IGSF21: variants seen among roughly 807,000 people sequenced by gnomAD.
The protein encoded by IGSF21 is immunoglobulin superfamily member 21.
A neutral mutation model predicts 46.8 loss-of-function variants in IGSF21; 28 were observed. The observed-to-expected ratio is 0.60, with a 90% CI of 0.44 to 0.82. The LOEUF is 0.82. Ranked by LOEUF, IGSF21 falls within the 40% of genes least tolerant of loss-of-function variation. IGSF21 has a pLI of 0.00. For missense variants in IGSF21, 624 were observed against 665.5 expected, an observed-to-expected ratio of 0.94 and a Z score of 0.69; for synonymous variants, 284 against 273.6, an observed-to-expected ratio of 1.04 and a Z score of -0.38.
intron 1 of IGSF21, among the ~76,000 whole-genome samples, chr1:18,134,869 G>A (rs2086354871): frequency 6.6e-6 from 1 of 152,198 alleles, no homozygotes; most frequent in South Asian, 2.1e-4. Flanking sequence ...TCCTACATAG[G>A]GTTCCACAGC....
At chr1:18,204,570 C>T (rs549491313) in intron 1 of IGSF21, among the ~76,000 whole-genome samples, 11 of 152,198 alleles carry the variant, frequency 7.2e-5, no homozygotes, top group South Asian at 6.2e-4. Flanking sequence ...AATGTGTGCT[C>T]AGAGGTGGAG....
chr1:18,230,660 G>A lies in IGSF21; in HGVS notation c.183+2650G>A, dbSNP rs151117837. On this transcript the variant is annotated intron_variant, in intron 2 of 9. Transcript: ENST00000251296. ...GAAGGAAATTCCAGGGAAGGGCTCCGTGTGGCCAGTTTTTGCTTTCTGCCA... is the reference window on the plus strand; with the variant it reads ...GAAGGAAATTCCAGGGAAGGGCTCCATGTGGCCAGTTTTTGCTTTCTGCCA... Among the ~76,000 whole-genome samples, 209 of 152,176 alleles carry A rather than the reference G, an allele frequency of 1.4e-3. 1 individual carries two copies. Among genetic ancestry groups the A allele is most frequent in the Middle Eastern group, 6.8e-3 (2 of 294 alleles).
intron 4 of IGSF21, chr1:18,361,606 C>G (rs1331734178): frequency 6.4e-6 from 1 of 155,164 alleles, no homozygotes; most frequent in Non-Finnish European, 1.4e-5. Flanking sequence ...CAAAAATAAT[C>G]CAGGCATGGT....
At chr1:18,325,706 G>A (rs114702285) in intron 3 of IGSF21, among the ~76,000 whole-genome samples, 1,529 of 152,194 alleles carry the variant, frequency 0.01, 23 homozygotes, top group African/African-American at 0.035. Flanking sequence ...TCCTGTAAGG[G>A]ACCCCACCCC....
At chr1:18,368,883 A>T (rs2086196162) in intron 6 of IGSF21, among the ~76,000 whole-genome samples, 1 of 152,198 alleles carries the variant, frequency 6.6e-6, no homozygotes, top group African/African-American at 2.4e-5. Flanking sequence ...CTTGTAGCTG[A>T]CATCTTCTAG....
intron 1 of IGSF21, among the ~76,000 whole-genome samples, chr1:18,118,787 T>C (rs2086209092): frequency 6.6e-6 from 1 of 151,840 alleles, no homozygotes; most frequent in African/African-American, 2.4e-5. Context: ...AGCATGGGGG[T>C]TACCTCATGG....
chr1:18,164,113 T>C (rs1434252515), intron 1 of IGSF21, among the ~76,000 whole-genome samples: 3 of 152,166 alleles, frequency 2.0e-5, no homozygotes, highest in Admixed American at 1.3e-4. Context: ...TCCATCTGTA[T>C]AGCATTCTAC....
intron 2 of IGSF21, among the ~76,000 whole-genome samples, chr1:18,278,614 C>T (rs111655721): frequency 0.029 from 4,389 of 151,646 alleles, 219 homozygotes; most frequent in African/African-American, 0.098. Flanking sequence ...AGTACAGTGG[C>T]GAGATCTTGG....
chr1:18,308,994 T>A (rs758772211), intron 3 of IGSF21, among the ~76,000 whole-genome samples: 1 of 151,976 alleles, frequency 6.6e-6, no homozygotes, highest in Non-Finnish European at 1.5e-5. Flanking sequence ...GTCCCCATAC[T>A]CATATTGCTA....
chr1:18,132,920 G>A (rs905472045), intron 1 of IGSF21, among the ~76,000 whole-genome samples: 13 of 152,044 alleles, frequency 8.6e-5, no homozygotes, highest in African/African-American at 3.1e-4. Context: ...GAGGGAGTGG[G>A]GGAGGGAGGG....
At chr1:18,213,511 A>T (rs1034026253) in intron 1 of IGSF21, among the ~76,000 whole-genome samples, 2 of 152,182 alleles carry the variant, frequency 1.3e-5, no homozygotes, top group Admixed American at 6.5e-5. Context: ...GAGGGTGTGC[A>T]GGCAGCATGG....
rs1436153100 is a variant in IGSF21 at position 18,265,084 on chromosome 1, A to AT, written c.184-26776dup. Among the ~76,000 whole-genome samples the AT allele has an allele frequency of 2.7e-4, 41 of 152,332 alleles. 1 individual carries two copies. The highest frequency in any genetic ancestry group is 9.4e-4 in the African/African-American group (39 of 41,570). On this transcript the variant is annotated intron_variant, in intron 2 of 9. Coordinates refer to ENST00000251296, the MANE Select transcript of IGSF21 (RefSeq NM_032880.5). Reference sequence around the variant, plus strand: ...TGAAAGATTTATTTTATTTTGTTCTATTTTTTGTAATTCATTGGATGAGAA... The same window carrying AT: ...TGAAAGATTTATTTTATTTTGTTCTATTTTTTTGTAATTCATTGGATGAGAA...
chr1:18,377,500 C>T lies in IGSF21; in HGVS notation c.1333+69C>T, dbSNP rs2086296636. 4 of 1,287,428 alleles carry T rather than the reference C, an allele frequency of 3.1e-6. No individual in the cohort carries two copies. The South Asian group carries it at 4.7e-5, about 15-fold the overall frequency. 79.8% of individuals were successfully genotyped at this position (1,287,428 alleles called of 1,614,324 possible). A position where few individuals can be genotyped will look rare whatever the true frequency, so the allele number is the denominator to read the frequency against. On this transcript the variant is annotated intron_variant, in intron 9 of 9. Coordinates refer to ENST00000251296, the MANE Select transcript of IGSF21 (RefSeq NM_032880.5). Reference sequence around the variant, plus strand: ...TTTTGAGGCGCCAGAAAGCTCTGGTCCCCCAAACTTCCCATATGCACACCC... The same window carrying T: ...TTTTGAGGCGCCAGAAAGCTCTGGTTCCCCAAACTTCCCATATGCACACCC...
At chr1:18,200,558 C>T (rs1407301142) in intron 1 of IGSF21, among the ~76,000 whole-genome samples, 5 of 152,196 alleles carry the variant, frequency 3.3e-5, no homozygotes, top group Admixed American at 6.5e-5. Context: ...TCTGCCATCA[C>T]GTGGCCTGCT....
At chr1:18,219,164 G>A (rs2124498067) in intron 1 of IGSF21, among the ~76,000 whole-genome samples, 1 of 152,332 alleles carries the variant, frequency 6.6e-6, no homozygotes, top group Admixed American at 6.5e-5. Context: ...CGTCTAAGAA[G>A]GAGTAAAGCA....
At chr1:18,251,348 C>G (rs1188133614) in intron 2 of IGSF21, among the ~76,000 whole-genome samples, 1 of 152,138 alleles carries the variant, frequency 6.6e-6, no homozygotes, top group South Asian at 2.1e-4. Flanking sequence ...GCCCCACTAA[C>G]AAAATAATCC....
At chr1:18,259,086 G>A (rs1478856396) in intron 2 of IGSF21, among the ~76,000 whole-genome samples, 1 of 152,106 alleles carries the variant, frequency 6.6e-6, no homozygotes, top group Non-Finnish European at 1.5e-5. Flanking sequence ...GCCTTTAGGT[G>A]AATAAATAAA....
chr1:18,191,784 C>G (rs969211147), intron 1 of IGSF21, among the ~76,000 whole-genome samples: 2 of 152,142 alleles, frequency 1.3e-5, no homozygotes, highest in Non-Finnish European at 2.9e-5. Context: ...GTCCCTGCCC[C>G]CTGCGTTCTG....
At chr1:18,377,275 G>A in intron 8 of IGSF21, 118 bp from the exon 9 acceptor site, 1 of 959,398 alleles carries the variant, frequency 1.0e-6, no homozygotes. Flanking sequence ...AAGGTTGTGT[G>A]GCTGCACTGA....
Sources: allele counts gnomAD v4.1 joint callset (sites outside exome capture counted in the v4.1 genomes callset), GRCh38; gene constraint gnomAD v4.1.1; transcripts MANE v1.5; gene names NCBI Gene and HGNC (gene_info 2026-07-23, HGNC 2026-07-21).